The following PIEZO2 variants were observed in gnomAD, a reference collection of about 807,000 sequenced individuals.
PIEZO2 encodes the protein piezo type mechanosensitive ion channel component 2.
In PIEZO2, 172 loss-of-function variants were observed where a neutral mutation model predicts 337.3. That is an observed-to-expected ratio of 0.51 (90% CI 0.45 to 0.58). PIEZO2 has a LOEUF of 0.58. Among genes scored for constraint, PIEZO2 ranks in the 20% least tolerant of loss-of-function variants. PIEZO2 has a pLI of 0.00. For missense variants in PIEZO2, 3,028 were observed against 3,391.3 expected, an observed-to-expected ratio of 0.89 and a Z score of 2.66; for synonymous variants, 1,251 against 1,228.5, an observed-to-expected ratio of 1.02 and a Z score of -0.38.
intron 4 of PIEZO2, among the ~76,000 whole-genome samples, chr18:10,892,653 AGG>A (rs1491254305): frequency 2.1e-4 from 32 of 150,646 alleles, no homozygotes; most frequent in Non-Finnish European, 1.8e-4. Flanking sequence ...AACCAGAGAG[AGG>A]GAGAGAGAAA....
In PIEZO2 at chr18:11,002,800, G is replaced by A. The variant is rs993088388; in HGVS notation, c.161-23140C>T. ...TGAACTATGGAAAGCAGGCCACATT[G>A]GATAATCCAATTTCAAGCACCCCAA... On this transcript the variant is annotated intron_variant, in intron 2 of 55. Transcript: ENST00000674853. The surrounding 1 kb of genome is among the most constrained non-coding windows in gnomAD (Gnocchi z 4.3). 1.3e-5 allele frequency among the ~76,000 whole-genome samples: 2 copies of A among 152,118 alleles called. No homozygotes were observed. The highest frequency in any genetic ancestry group is 2.9e-5 in the Non-Finnish European group (2 of 68,028).
At chr18:10,805,920 G>A (rs557170755) in intron 8 of PIEZO2, among the ~76,000 whole-genome samples, 35 of 152,366 alleles carry the variant, frequency 2.3e-4, no homozygotes, top group African/African-American at 7.0e-4. Flanking sequence ...GCCTCCTGCA[G>A]TTTTACAGTC....
rs149730597 is a variant in PIEZO2 at position 11,009,831 on chromosome 18, C to T, written c.161-30171G>A. ...CTTGTAAGAAGAGGAGAGTAGGACG[C>T]GGACAGGCACAGAAGGGAGACCGCA... On this transcript the variant is annotated intron_variant, in intron 2 of 55. Transcript: ENST00000674853. The surrounding 1 kb of genome is among the most constrained non-coding windows in gnomAD (Gnocchi z 4.6). 8.5e-3 allele frequency among the ~76,000 whole-genome samples: 1,300 copies of T among 152,054 alleles called. 20 individuals are homozygous for T. Among genetic ancestry groups the T allele is most frequent in the African/African-American group, 0.029 (1,213 of 41,452 alleles).
At chr18:10,892,482 G>A (rs2042783879) in intron 4 of PIEZO2, among the ~76,000 whole-genome samples, 2 of 152,152 alleles carry the variant, frequency 1.3e-5, no homozygotes, top group Admixed American at 6.6e-5. Context: ...GGGAAGAGGT[G>A]GGAGGTTGAC....
intron 2 of PIEZO2, among the ~76,000 whole-genome samples, chr18:11,059,111 TAAAGA>T (rs1161867425): frequency 6.6e-6 from 1 of 152,146 alleles, no homozygotes; most frequent in Non-Finnish European, 1.5e-5. Flanking sequence ...TCAACATTCT[TAAAGA>T]AAAGAATTTT....
At chr18:10,714,555 T>G (rs542001160) in intron 39 of PIEZO2, among the ~76,000 whole-genome samples, 74 of 152,158 alleles carry the variant, frequency 4.9e-4, no homozygotes, top group Non-Finnish European at 8.2e-4. Context: ...GCTAATAGTG[T>G]CTTATTGATA....
At chr18:10,797,641 A>AT in intron 11 of PIEZO2, 119 bp from the exon 12 acceptor site, 2 of 1,431,700 alleles carry the variant, frequency 1.4e-6, no homozygotes, top group Non-Finnish European at 1.8e-6. Context: ...GATTTCAGAA[A>AT]TTGTTTCCCA....
At chr18:10,719,013 A>AT (rs1185256779) in intron 36 of PIEZO2, among the ~76,000 whole-genome samples, 15 of 150,846 alleles carry the variant, frequency 9.9e-5, no homozygotes, top group African/African-American at 3.7e-4. Flanking sequence ...AAATAAATAA[A>AT]TAAATAAATA....
intron 7 of PIEZO2, among the ~76,000 whole-genome samples, chr18:10,843,772 C>A (rs2041265904): frequency 6.6e-6 from 1 of 152,188 alleles, no homozygotes; most frequent in Non-Finnish European, 1.5e-5. Context: ...CAGCAGTGCT[C>A]CCTGCCAGGG....
In PIEZO2 at chr18:10,760,000, G is replaced by C; in HGVS notation, c.3451-91C>G. 3.4e-6 allele frequency: 4 copies of C among 1,169,562 alleles called. No individual in the cohort carries two copies. Among genetic ancestry groups the C allele is most frequent in the Non-Finnish European group, 4.8e-6 (4 of 825,172 alleles). 72.4% of individuals were successfully genotyped at this position (1,169,562 alleles called of 1,614,324 possible). A position where few individuals can be genotyped will look rare whatever the true frequency, so the allele number is the denominator to read the frequency against. ...GTGTCAGGTCTGTGTAGATGGCGGA[G>C]ACCCATGTCCCTCAGGGCAAGTCTG... is the stretch of plus-strand genomic sequence containing the variant. On this transcript the variant is annotated intron_variant, in intron 24 of 55. Coordinates refer to ENST00000674853, the MANE Select transcript of PIEZO2 (RefSeq NM_001378183.1). The surrounding 1 kb of genome is among the most constrained non-coding windows in gnomAD (Gnocchi z 5.5).
chr18:10,691,427 C>T (rs372011003), intron 47 of PIEZO2, 44 bp from the exon 48 acceptor site: 29 of 1,581,524 alleles, frequency 1.8e-5, no homozygotes, highest in Middle Eastern at 1.7e-4. Context: ...AAATACTCTT[C>T]TGAAACAAAA....
rs1386853678 is a variant in PIEZO2, at chr18:11,003,330, G to C, written c.161-23670C>G. ...GTAAATCCTCACTTATCATCAGTAG[G>C]CTCCTGGAAACTGCGGCTTTAAGCA... On this transcript the variant is annotated intron_variant, in intron 2 of 55. Transcript: ENST00000674853. The surrounding 1 kb of genome is among the most constrained non-coding windows in gnomAD (Gnocchi z 4.6). Among the ~76,000 whole-genome samples, 2 of 152,072 alleles carry C rather than the reference G, an allele frequency of 1.3e-5. No homozygotes were observed. Among genetic ancestry groups the C allele is most frequent in the Non-Finnish European group, 2.9e-5 (2 of 68,034 alleles).
intron 7 of PIEZO2, among the ~76,000 whole-genome samples, chr18:10,852,781 A>G (rs1256536183): frequency 2.0e-5 from 3 of 152,000 alleles, no homozygotes; most frequent in Non-Finnish European, 2.9e-5. Context: ...TTCACCTAAC[A>G]CTCACACCCT....
chr18:11,132,564 T>C lies in PIEZO2; in HGVS notation c.64+15961A>G, dbSNP rs2040371391. On this transcript the variant is annotated intron_variant, in intron 1 of 55. Transcript: ENST00000674853. The surrounding 1 kb of genome is among the most constrained non-coding windows in gnomAD (Gnocchi z 4.7). ...GGGAATCAGAAGGTAGAAGTAGAAG[T>C]GGCACCACTCACAATCATCCCTAGT... is the stretch of plus-strand genomic sequence containing the variant. 6.6e-6 allele frequency among the ~76,000 whole-genome samples: 1 copy of C among 152,156 alleles called. No individual in the cohort carries two copies. The highest frequency in any genetic ancestry group is 6.5e-5 in the Admixed American group (1 of 15,274).
chr18:10,900,941 C>T (rs991578486), intron 4 of PIEZO2, among the ~76,000 whole-genome samples: 4 of 152,078 alleles, frequency 2.6e-5, no homozygotes, highest in African/African-American at 2.4e-5. Context: ...TAGAAAACAA[C>T]GTTAGCATTT....
intron 7 of PIEZO2, among the ~76,000 whole-genome samples, chr18:10,820,913 T>C (rs1007588384): frequency 6.6e-6 from 1 of 152,196 alleles, no homozygotes; most frequent in African/African-American, 2.4e-5. Flanking sequence ...AGCTAAAATA[T>C]TTTCAGAAAT....
Position 11,112,639 on chromosome 18 carries a change from T to C in PIEZO2, c.64+35886A>G, listed in dbSNP as rs113931501. ...TTGTAAAGAAGACTTACACACTTAG[T>C]CGTAAGTCAACAATTGCCAGATTAG... On this transcript the variant is annotated intron_variant, in intron 1 of 55. Transcript: ENST00000674853. The surrounding 1 kb of genome is among the most constrained non-coding windows in gnomAD (Gnocchi z 4.3). Among the ~76,000 whole-genome samples, 17 of 152,286 alleles carry C rather than the reference T, an allele frequency of 1.1e-4. 1 individual carries two copies. Among genetic ancestry groups the C allele is most frequent in the African/African-American group, 4.1e-4 (17 of 41,564 alleles).
intron 2 of PIEZO2, among the ~76,000 whole-genome samples, chr18:11,034,332 G>A (rs2036847869): frequency 6.7e-6 from 1 of 148,838 alleles, no homozygotes; most frequent in Non-Finnish European, 1.5e-5. Context: ...GTCTAGCTCT[G>A]TCGCCCAGGC....
intron 2 of PIEZO2, among the ~76,000 whole-genome samples, chr18:11,015,842 G>A (rs1375901974): frequency 1.3e-5 from 2 of 152,234 alleles, no homozygotes; most frequent in Non-Finnish European, 2.9e-5. Context: ...CTTTAAGGCT[G>A]ACACTTTAAA....
Sources: allele counts gnomAD v4.1 joint callset (sites outside exome capture counted in the v4.1 genomes callset), GRCh38; gene constraint gnomAD v4.1.1; non-coding constraint Gnocchi (gnomAD v3.1); transcripts MANE v1.5; gene names NCBI Gene and HGNC (gene_info 2026-07-23, HGNC 2026-07-21).